The following AGR3 variants were observed in gnomAD, a reference collection of about 807,000 sequenced individuals.
The protein encoded by AGR3 is anterior gradient 3, protein disulphide isomerase family member.
A neutral mutation model predicts 24.5 loss-of-function variants in AGR3; 37 were observed. The ratio of observed to expected loss-of-function variants is 1.51; its 90% CI spans 1.16 to 1.99. The LOEUF (loss-of-function observed/expected upper bound fraction) is 1.99, where lower values mean the gene tolerates loss of function less well. Among genes scored for constraint, AGR3 ranks in the 30% most tolerant of loss-of-function variants. The pLI is 0.00. For missense variants in AGR3, 228 were observed against 191.1 expected (o/e 1.19, Z -1.14); for synonymous variants, 75 against 61.6 (o/e 1.22, Z -1.02).
downstream of AGR3, among the ~76,000 whole-genome samples, chr7:16,855,022 C>T (rs1219820490): frequency 6.6e-6 from 1 of 152,186 alleles, no homozygotes; most frequent in Non-Finnish European, 1.5e-5. Context: ...ACATAATAAT[C>T]ATACATGTCT....
intron 2 of AGR3, among the ~76,000 whole-genome samples, chr7:16,874,919 C>T (rs532701340): frequency 2.6e-5 from 4 of 152,050 alleles, no homozygotes; most frequent in African/African-American, 9.6e-5. Context: ...GAGTTCAAGA[C>T]TAGCCTGGTC....
chr7:16,877,350 A>G (rs985630423), intron 2 of AGR3, among the ~76,000 whole-genome samples: 4 of 148,048 alleles, frequency 2.7e-5, no homozygotes, highest in African/African-American at 7.4e-5. Context: ...TATTTTATAT[A>G]TATATCAGAG....
intron 2 of AGR3, among the ~76,000 whole-genome samples, chr7:16,877,690 C>A (rs1326326609): frequency 6.6e-6 from 1 of 151,770 alleles, no homozygotes; most frequent in Non-Finnish European, 1.5e-5. Context: ...GGTGAAACCC[C>A]GTCTCTACTA....
intron 3 of AGR3, among the ~76,000 whole-genome samples, chr7:16,868,805 A>G (rs1253392053): frequency 6.6e-6 from 1 of 152,218 alleles, no homozygotes; most frequent in African/African-American, 2.4e-5. Context: ...CAAAGGAGAT[A>G]GGCTCTTTGG....
chr7:16,858,023 TG>T (rs1472024085), downstream of AGR3, among the ~76,000 whole-genome samples: 8 of 151,684 alleles, frequency 5.3e-5, no homozygotes, highest in African/African-American at 1.9e-4. Context: ...GTTTCACTCT[TG>T]TTGCCCAGGC....
At position 16,862,504 on chromosome 7, in the gene AGR3, A is replaced by T. The variant is rs1781669451; in HGVS notation, c.226+106T>A. ...ACTCTGGCAGTTGTCTATTTTTTTT[A>T]ATGGGATTTGCTGAGCGCCTTCTTA... On this transcript the variant is annotated intron_variant, in intron 4 of 7. Transcript: ENST00000310398. 9 of 593,348 alleles carry T rather than the reference A, an allele frequency of 1.5e-5. No homozygotes were observed. In the South Asian group the frequency reaches 4.0e-4, roughly 26 times the overall value. The allele number at this position is 593,348 out of a possible 1,614,324, so 36.8% of individuals were successfully genotyped here.
chr7:16,868,187 C>G (rs1243949987), intron 3 of AGR3, among the ~76,000 whole-genome samples: 2 of 151,490 alleles, frequency 1.3e-5, no homozygotes, highest in African/African-American at 2.4e-5. Flanking sequence ...TGGAGTTTCG[C>G]TCTTGTTGCC....
intron 1 of AGR3, among the ~76,000 whole-genome samples, chr7:16,881,269 C>T (rs1440997467): frequency 6.6e-6 from 1 of 152,090 alleles, no homozygotes; most frequent in Non-Finnish European, 1.5e-5. Flanking sequence ...CAAATACTTT[C>T]TAATTAAAAA....
intron 3 of AGR3, chr7:16,865,103 T>C (rs908423439): frequency 4.3e-5 from 32 of 749,794 alleles, no homozygotes; most frequent in Non-Finnish European, 7.7e-5. Context: ...TGTATAAAAT[T>C]TTCCCCAAAG....
intron 1 of AGR3, among the ~76,000 whole-genome samples, chr7:16,879,637 G>T (rs1006370082): frequency 6.6e-6 from 1 of 152,128 alleles, no homozygotes; most frequent in African/African-American, 2.4e-5. Context: ...ACATTATTTA[G>T]TATTGAACTC....
At chr7:16,858,591 G>A (rs1781585216), downstream of AGR3, among the ~76,000 whole-genome samples, 1 of 152,122 alleles carries the variant, frequency 6.6e-6, no homozygotes. Flanking sequence ...AGAACATGTA[G>A]CTGGATGCAG....
downstream of AGR3, among the ~76,000 whole-genome samples, chr7:16,859,158 C>T (rs1356319686): frequency 6.6e-6 from 1 of 151,350 alleles, no homozygotes. Context: ...AGCACTCTGG[C>T]AGGCCAAGGT....
chr7:16,877,836 C>G (rs1158922197), intron 2 of AGR3, among the ~76,000 whole-genome samples: 1 of 138,398 alleles, frequency 7.2e-6, no homozygotes, highest in Non-Finnish European at 1.5e-5. Context: ...ACACTCCAGC[C>G]TGGGTGACAG....
At chr7:16,866,025 T>C (rs1325939228) in intron 3 of AGR3, 1 of 651,006 alleles carries the variant, frequency 1.5e-6, no homozygotes, top group Non-Finnish European at 2.9e-6. Context: ...TTCTGGTTTA[T>C]ATTTATCTAC....
At chr7:16,859,399 T>C, downstream of AGR3, 1 of 527,086 alleles carries the variant, frequency 1.9e-6, no homozygotes, top group East Asian at 3.5e-5. Context: ...GAAATAAAAC[T>C]ATATTGTCAG....
At chr7:16,878,232 A>T (rs1423871766) in intron 2 of AGR3, among the ~76,000 whole-genome samples, 8 of 152,106 alleles carry the variant, frequency 5.3e-5, no homozygotes, top group African/African-American at 1.7e-4. Flanking sequence ...ATTATTTTCT[A>T]GGACTCTGGT....
At position 16,861,430 on chromosome 7, in the gene AGR3, C is replaced by T; in HGVS notation, c.321G>A (p.Lys107=). The change falls in exon 6 of 8, where the codon AAG becomes AAA. Residue 107 remains lysine (K), a synonymous_variant. Transcript: ENST00000310398. ...CATATTGCCCATCAGGTGATAAATT[C>T]TTATCAGTGGTTTCATGCTAGCAGG... ...MLNLMHETTD[K]NLSPDGQYVP... The T allele has an allele frequency of 1.9e-6, 3 of 1,610,078 alleles. No homozygotes were observed. The highest frequency in any genetic ancestry group is 2.5e-6 in the Non-Finnish European group (3 of 1,177,944).
downstream of AGR3, among the ~76,000 whole-genome samples, chr7:16,858,846 C>T (rs192288870): frequency 1.6e-4 from 25 of 152,270 alleles, 1 homozygote; most frequent in Middle Eastern, 6.8e-3. Flanking sequence ...CGCCACTGCA[C>T]TCCAGCCTGG....
rs780349621 is a variant in AGR3, at chr7:16,862,063, A to G, written c.227-3T>C. The G allele has an allele frequency of 1.1e-5, 17 of 1,609,434 alleles. No homozygotes were observed. Among genetic ancestry groups the G allele is most frequent in the Non-Finnish European group, 1.4e-5 (16 of 1,177,472 alleles). On this transcript the variant is annotated splice_polypyrimidine_tract_variant and splice_region_variant and intron_variant, in intron 4 of 7. Coordinates refer to ENST00000310398, the MANE Select transcript of AGR3 (RefSeq NM_176813.5). ...TTGGGCAAATACTTTCTTTAGTGCT[A>G]TAGGGGAAAACAAAATTGCCAGTTA...
Sources: allele counts gnomAD v4.1 joint callset (sites outside exome capture counted in the v4.1 genomes callset), GRCh38; gene constraint gnomAD v4.1.1; transcripts MANE v1.5; gene names NCBI Gene and HGNC (gene_info 2026-07-23, HGNC 2026-07-21).